Variants in CNTNAP1 observed in about 807,000 individuals in gnomAD.
The protein encoded by CNTNAP1 is contactin-associated protein 1.
CNTNAP1 carries 80 observed loss-of-function variants against 161.5 expected under a neutral mutation model. The observed-to-expected ratio is 0.50, with a 90% CI of 0.41 to 0.60. The LOEUF (loss-of-function observed/expected upper bound fraction) is 0.60. Ranked by LOEUF, CNTNAP1 falls within the 20% of genes least tolerant of loss-of-function variation. The probability of loss-of-function intolerance (pLI) is 0.00; values close to 1 mark genes in which losing one functional copy is unlikely to be tolerated. For synonymous variants in CNTNAP1, 695 were observed against 733.1 expected (o/e 0.95, Z 0.84); for missense variants, 1,464 against 1,854.8 (o/e 0.79, Z 3.87).
chr17:42,693,239 G>A (rs1341640814), intron 17 of CNTNAP1, 58 bp from the exon 18 acceptor site: 35 of 1,602,458 alleles, frequency 2.2e-5, no homozygotes, highest in South Asian at 1.0e-4. Context: ...GATTACAGGC[G>A]TGAGCCACCG....
Position 42,687,665 on chromosome 17 carries a change from C to T in CNTNAP1, c.1045-55C>T. 6.3e-7 allele frequency: 1 copy of T among 1,587,004 alleles called. No individual in the cohort carries two copies. The highest frequency in any genetic ancestry group is 8.6e-7 in the Non-Finnish European group (1 of 1,165,056). On this transcript the variant is annotated intron_variant, in intron 7 of 23. Coordinates refer to ENST00000264638, the MANE Select transcript of CNTNAP1 (RefSeq NM_003632.3). This position sits in a 1 kb window ranked among gnomAD's most constrained non-coding sequence, Gnocchi z 4.7. ...TAGACCGGTGTGAAAACTGAATTCCCAGCTGAGGCAGAGGCGGCTCACGGG... is the reference window on the plus strand; with the variant it reads ...TAGACCGGTGTGAAAACTGAATTCCTAGCTGAGGCAGAGGCGGCTCACGGG...
At chr17:42,683,962 C>G (rs780606751) in intron 2 of CNTNAP1, 40 bp downstream of exon 2, 2 of 1,613,182 alleles carry the variant, frequency 1.2e-6, no homozygotes, top group East Asian at 2.2e-5. Flanking sequence ...TGGCAGCGCA[C>G]CGCGGAAGGG....
At position 42,699,538 on chromosome 17, in the gene CNTNAP1, ACG is replaced by A. The variant is rs1195873845; in HGVS notation, c.*629_*630del. On this transcript the variant is annotated 3_prime_UTR_variant, in exon 24 of 24. Coordinates refer to ENST00000264638, the MANE Select transcript of CNTNAP1 (RefSeq NM_003632.3). The stretch of plus-strand genomic sequence containing the variant: ...TAGCCAAAGCCATAAAAAACCTGCA[ACG>A]TAGAGAAAATAATGCAGATACCCTG... 3 of 152,750 alleles carry A rather than the reference ACG, an allele frequency of 2.0e-5. No individual in the cohort carries two copies. Among genetic ancestry groups the A allele is most frequent in the Non-Finnish European group, 4.4e-5 (3 of 68,042 alleles). The allele number at this position is 152,750 out of a possible 1,614,324, so 9.5% of individuals were successfully genotyped here.
chr17:42,692,088 TTTGACA>T, intron 16 of CNTNAP1, 97 bp downstream of exon 16: 1 of 1,275,782 alleles, frequency 7.8e-7, no homozygotes, highest in Non-Finnish European at 1.1e-6. Context: ...CAGATGCCCT[TTTGACA>T]GGCAGCATGG....
At chr17:42,696,472 C>T (rs534571464) in intron 20 of CNTNAP1, among the ~76,000 whole-genome samples, 1 of 151,942 alleles carries the variant, frequency 6.6e-6, no homozygotes, top group East Asian at 1.9e-4. Context: ...TACAGGCATG[C>T]GCCACAACGC....
Position 42,697,255 on chromosome 17 carries a change from C to G in CNTNAP1, c.3475-19C>G, listed in dbSNP as rs749942463. 1.9e-6 allele frequency: 3 copies of G among 1,591,334 alleles called. No homozygotes were observed. Among genetic ancestry groups the G allele is most frequent in the African/African-American group, 1.3e-5 (1 of 74,458 alleles). On this transcript the variant is annotated intron_variant, in intron 20 of 23. Transcript: ENST00000264638. ...TCCCCGCTCCCTCATCGCCCTCCCC[C>G]TCCCCCTCCCCACCTCAGGTGGACT...
intron 17 of CNTNAP1, among the ~76,000 whole-genome samples, chr17:42,692,982 A>C (rs2053109508): frequency 7.4e-6 from 1 of 135,712 alleles, no homozygotes. Context: ...TTTGAGACGG[A>C]GTCTCGCTCT....
In CNTNAP1 at chr17:42,687,012, T is replaced by G; in HGVS notation, c.1010T>G (p.Leu337Arg). 1 of 1,613,620 alleles carries G rather than the reference T, an allele frequency of 6.2e-7. No homozygotes were observed. Among genetic ancestry groups the G allele is most frequent in the Non-Finnish European group, 8.5e-7 (1 of 1,179,658 alleles). The stretch of plus-strand genomic sequence containing the variant: ...TTCAACCGCGTCAACATCGCAGACC[T>G]GGCCGTGCGGCGCCATTCCCGGATC... ...VIFNRVNIAD[L>R]AVRRHSRITF... is the part of the protein sequence containing the mutation. Residue 337 changes from leucine to arginine, a missense_variant, in exon 7 of 24, where the codon CTG becomes CGG. Coordinates refer to ENST00000264638, the MANE Select transcript of CNTNAP1 (RefSeq NM_003632.3). The surrounding 1 kb of genome is among the most constrained non-coding windows in gnomAD (Gnocchi z 4.7).
rs1183775954 is a variant in CNTNAP1 at position 42,686,160 on chromosome 17, GC to G, written c.900+20del. ...CACTGAGGTGAGAGACTAGGGAGGTGCTATTTCGTGGTAGGGTAGATGCTGG... is the reference window on the plus strand; with the variant it reads ...CACTGAGGTGAGAGACTAGGGAGGTGTATTTCGTGGTAGGGTAGATGCTGG... On this transcript the variant is annotated intron_variant, in intron 6 of 23. Coordinates refer to ENST00000264638, the MANE Select transcript of CNTNAP1 (RefSeq NM_003632.3). 3 of 1,612,794 alleles carry G rather than the reference GC, an allele frequency of 1.9e-6. No individual in the cohort carries two copies. The highest frequency in any genetic ancestry group is 2.5e-6 in the Non-Finnish European group (3 of 1,178,820).
Position 42,685,429 on chromosome 17 carries a change from G to C in CNTNAP1, c.715+9G>C, listed in dbSNP as rs563501193. On this transcript the variant is annotated intron_variant, in intron 5 of 23. Transcript: ENST00000264638. The surrounding 1 kb of genome is among the most constrained non-coding windows in gnomAD (Gnocchi z 5.0). ...GCTGCACATGAGCCTGGGTGAGCTC[G>C]GCGACCATGTGCGATGCGGAGCCAA... 1.9e-6 allele frequency: 3 copies of C among 1,598,602 alleles called. No homozygotes were observed. Among genetic ancestry groups the C allele is most frequent in the Non-Finnish European group, 2.5e-6 (3 of 1,178,544 alleles).
At chr17:42,696,923 C>T (rs2053159034) in intron 20 of CNTNAP1, among the ~76,000 whole-genome samples, 1 of 152,050 alleles carries the variant, frequency 6.6e-6, no homozygotes, top group Admixed American at 6.6e-5. Context: ...CCTGTAATCC[C>T]AACACTTTGG....
At chr17:42,683,096 G>A (rs1390446724) in intron 1 of CNTNAP1, 200 bp downstream of exon 1, 2 of 629,936 alleles carry the variant, frequency 3.2e-6, no homozygotes, top group Admixed American at 6.0e-5. Flanking sequence ...GGCTGGGGCT[G>A]GGCTCTGGGA....
chr17:42,688,721 C>T (rs2053049237), intron 9 of CNTNAP1, 110 bp downstream of exon 9: 1 of 1,537,114 alleles, frequency 6.5e-7, no homozygotes, highest in Non-Finnish European at 8.9e-7. Context: ...AGCCCTCTTC[C>T]CCTCTGGGGC....
At chr17:42,688,011 G>A in intron 8 of CNTNAP1, 30 bp downstream of exon 8, 1 of 1,603,806 alleles carries the variant, frequency 6.2e-7, no homozygotes, top group Non-Finnish European at 8.5e-7. Context: ...GGCACAAGAA[G>A]AGAAGAGAAG....
At position 42,687,486 on chromosome 17, in the gene CNTNAP1, C is replaced by T; in HGVS notation, c.1045-234C>T. 1 of 592,060 alleles carries T rather than the reference C, an allele frequency of 1.7e-6. No individual in the cohort carries two copies. Among genetic ancestry groups the T allele is most frequent in the East Asian group, 2.9e-5 (1 of 34,748 alleles). The allele number at this position is 592,060 out of a possible 1,614,324, so 36.7% of individuals were successfully genotyped here. ...AGGAGAGAAGCGGTCGAATCGCAGA[C>T]GGTGGAGATCAGCGAGAGCAAGCGA... On this transcript the variant is annotated intron_variant, in intron 7 of 23. Transcript: ENST00000264638. The surrounding 1 kb of genome is among the most constrained non-coding windows in gnomAD (Gnocchi z 4.7).
chr17:42,695,134 A>G (rs1048654365), intron 18 of CNTNAP1, among the ~76,000 whole-genome samples: 1 of 152,060 alleles, frequency 6.6e-6, no homozygotes, highest in African/African-American at 2.4e-5. Context: ...TTTAGTAGAG[A>G]TGGGGTTTTG....
chr17:42,689,751 G>C (rs554513321), intron 11 of CNTNAP1, 124 bp downstream of exon 11: 1 of 787,704 alleles, frequency 1.3e-6, no homozygotes, highest in African/African-American at 1.7e-5. Flanking sequence ...TTTGTTTTTG[G>C]TTTTTTTGAG....
Position 42,685,431 on chromosome 17 carries a change from C to G in CNTNAP1, c.715+11C>G, listed in dbSNP as rs1395270828. The G allele has an allele frequency of 4.4e-6, 7 of 1,596,526 alleles. No individual in the cohort carries two copies. Among genetic ancestry groups the G allele is most frequent in the Non-Finnish European group, 5.9e-6 (7 of 1,177,430 alleles). On this transcript the variant is annotated intron_variant, in intron 5 of 23. Transcript: ENST00000264638. The surrounding 1 kb of genome is among the most constrained non-coding windows in gnomAD (Gnocchi z 5.0). ...TGCACATGAGCCTGGGTGAGCTCGGCGACCATGTGCGATGCGGAGCCAACC... is the reference window on the plus strand; with the variant it reads ...TGCACATGAGCCTGGGTGAGCTCGGGGACCATGTGCGATGCGGAGCCAACC...
At position 42,686,898 on chromosome 17, in the gene CNTNAP1, C is replaced by G. The variant is rs2053023132; in HGVS notation, c.901-5C>G. On this transcript the variant is annotated splice_region_variant and splice_polypyrimidine_tract_variant and intron_variant, in intron 6 of 23. Coordinates refer to ENST00000264638, the MANE Select transcript of CNTNAP1 (RefSeq NM_003632.3). ...AAGAGGCCTCATTCCCCACGCCTCCCGCAGATGTTCATCGGAGGTCTGGTG... is the reference window on the plus strand; with the variant it reads ...AAGAGGCCTCATTCCCCACGCCTCCGGCAGATGTTCATCGGAGGTCTGGTG... 1.3e-6 allele frequency: 2 copies of G among 1,596,754 alleles called. No individual in the cohort carries two copies. The highest frequency in any genetic ancestry group is 2.2e-5 in the East Asian group (1 of 44,462).
Sources: gnomAD v4.1 joint callset for allele counts (sites outside exome capture counted in the v4.1 genomes callset) on GRCh38, gnomAD v4.1.1 for gene constraint, Gnocchi (gnomAD v3.1) non-coding constraint, MANE v1.5 for transcripts, NCBI Gene and HGNC (gene_info 2026-07-23, HGNC 2026-07-21) for gene names.